ELOA: variants seen among roughly 807,000 people sequenced by gnomAD.
The protein encoded by ELOA is elongin A, also known as elongin-A.
In ELOA, 15 loss-of-function variants were observed where a neutral mutation model predicts 85.2. The observed-to-expected ratio is 0.18, with a 90% CI of 0.12 to 0.27. The LOEUF is 0.27. ELOA is among the 10% of genes least tolerant of loss of function. The pLI, the probability that ELOA is intolerant of heterozygous loss-of-function variation, is 1.00. For missense variants in ELOA, 769 were observed against 952.7 expected (o/e 0.81, Z 2.54); for synonymous variants, 348 against 357.2 (o/e 0.97, Z 0.29).
At position 23,760,612 on chromosome 1, in the gene ELOA, GGTTT is replaced by G. The variant is rs1176072826; in HGVS notation, c.*1044_*1047del. Reference sequence around the variant, plus strand: ...AGGCTGTAATGCTATGTTGGAAATTGGTTTGTTTTGCCTTTTATTGAAAAGGTAA... The same window carrying G: ...AGGCTGTAATGCTATGTTGGAAATTGGTTTTGCCTTTTATTGAAAAGGTAA... On this transcript the variant is annotated 3_prime_UTR_variant, in exon 11 of 11. Transcript: ENST00000613537. 2.0e-5 allele frequency: 3 copies of G among 152,146 alleles called. No homozygotes were observed. The East Asian group carries it at 5.8e-4, about 29-fold the overall frequency. The allele number at this position is 152,146 out of a possible 1,614,324, so 9.4% of individuals were successfully genotyped here.
chr1:23,756,937 T>C lies in ELOA; in HGVS notation c.2085-16T>C. ...TTCTTGTGCTCATGCCTAACCAGTG[T>C]TGTCCTGTGTTGCAGGATCAAGCCA... On this transcript the variant is annotated splice_polypyrimidine_tract_variant and intron_variant, in intron 9 of 10. Transcript: ENST00000613537. 1 of 1,481,438 alleles carries C rather than the reference T, an allele frequency of 6.8e-7. No homozygotes were observed. The highest frequency in any genetic ancestry group is 2.6e-5 in the Admixed American group (1 of 38,840). 91.8% of individuals were successfully genotyped at this position (1,481,438 alleles called of 1,614,324 possible). A position where few individuals can be genotyped will look rare whatever the true frequency, so the allele number is the denominator to read the frequency against.
At chr1:23,750,005 A>G (rs1644761995) in intron 3 of ELOA, 57 bp downstream of exon 3, 5 of 1,417,156 alleles carry the variant, frequency 3.5e-6, no homozygotes, top group Non-Finnish European at 3.8e-6. Flanking sequence ...ACAGATAGAA[A>G]AGGTTTTCTT....
Position 23,760,354 on chromosome 1 carries a change from A to G in ELOA, c.*781A>G, listed in dbSNP as rs1263020969. On this transcript the variant is annotated 3_prime_UTR_variant, in exon 11 of 11. Coordinates refer to ENST00000613537, the MANE Select transcript of ELOA (RefSeq NM_003198.3). ...ACTAGAGGACGCAGAACCTTGGGAG[A>G]TTGATTTGCACAGAACTCCCCACCT... 6.8e-6 allele frequency: 1 copy of G among 146,972 alleles called. No homozygotes were observed. Among genetic ancestry groups the G allele is most frequent in the Non-Finnish European group, 1.5e-5 (1 of 66,892 alleles). The allele number at this position is 146,972 out of a possible 1,614,324, so 9.1% of individuals were successfully genotyped here.
intron 1 of ELOA, among the ~76,000 whole-genome samples, chr1:23,747,285 A>G (rs1053645279): frequency 6.6e-6 from 1 of 152,242 alleles, no homozygotes; most frequent in African/African-American, 2.4e-5. Context: ...TCCTAAGGAC[A>G]GTGTTCTGAT....
At position 23,755,870 on chromosome 1, in the gene ELOA, T is replaced by C; in HGVS notation, c.1819T>C (p.Trp607Arg). 1 of 1,611,300 alleles carries C rather than the reference T, an allele frequency of 6.2e-7. No homozygotes were observed. The highest frequency in any genetic ancestry group is 8.5e-7 in the Non-Finnish European group (1 of 1,179,254). ...HVLIEETDQL[W>R]KVHCHRDFKE... ...ATTAATTGAAGAAACAGATCAATTA[T>C]GGAAAGTTCATTGTCACCGAGACTT... Residue 607 changes from tryptophan (W) to arginine (R), a missense_variant, in exon 8 of 11, where the codon TGG becomes CGG. Around this residue, in one of 4 missense-constraint regions of ELOA, gnomAD observed 193 missense variants for 278.9 expected, o/e 0.69. Transcript: ENST00000613537.
chr1:23,752,557 AT>A, intron 5 of ELOA, 39 bp downstream of exon 5: 1 of 1,577,876 alleles, frequency 6.3e-7, no homozygotes, highest in Non-Finnish European at 8.6e-7. Context: ...TGGGAAAAAG[AT>A]TTAAAAATTC....
chr1:23,757,830 A>AT (rs949690449), intron 10 of ELOA, among the ~76,000 whole-genome samples: 25 of 151,168 alleles, frequency 1.7e-4, no homozygotes, highest in African/African-American at 6.1e-4. Flanking sequence ...AAAAAAAAAA[A>AT]GTGAAAGTAG....
At chr1:23,753,575 A>G (rs530666047) in intron 5 of ELOA, among the ~76,000 whole-genome samples, 1 of 152,296 alleles carries the variant, frequency 6.6e-6, no homozygotes, top group African/African-American at 2.4e-5. Flanking sequence ...GTTCATCTAC[A>G]CAGTGGCATC....
intron 10 of ELOA, 68 bp from the exon 11 acceptor site, chr1:23,759,444 G>C (rs2148389818): frequency 6.5e-7 from 1 of 1,531,746 alleles, no homozygotes; most frequent in African/African-American, 1.4e-5. Flanking sequence ...GGCTTTGACT[G>C]TAAACTACTG....
intron 3 of ELOA, among the ~76,000 whole-genome samples, chr1:23,750,322 C>CCCA (rs1405394667): frequency 6.6e-6 from 1 of 151,640 alleles, no homozygotes; most frequent in East Asian, 1.9e-4. Flanking sequence ...ACCACAGGCA[C>CCCA]CCGCCACCAC....
At chr1:23,758,838 G>A (rs995004860) in intron 10 of ELOA, among the ~76,000 whole-genome samples, 1 of 151,890 alleles carries the variant, frequency 6.6e-6, no homozygotes, top group Non-Finnish European at 1.5e-5. Context: ...ACAGATTGGG[G>A]GTAGACGTGC....
Position 23,757,000 on chromosome 1 carries a change from G to T in ELOA, c.2132G>T (p.Ser711Ile). 1 of 1,598,702 alleles carries T rather than the reference G, an allele frequency of 6.3e-7. No homozygotes were observed. Among genetic ancestry groups the T allele is most frequent in the Non-Finnish European group, 8.5e-7 (1 of 1,174,902 alleles). The change falls in exon 10 of 11, where the codon AGT becomes ATT. Residue 711 changes from serine to isoleucine, a missense_variant. Transcript: ENST00000613537. ...ATGGGAAGCAGCCATGCTTCCGCCA[G>T]TAGCATCAGCTTTAACCCCAGCCCT... ...YPMGSSHASA[S>I]SISFNPSPEE...
In ELOA at chr1:23,754,085, T is replaced by C. The variant is rs894856215; in HGVS notation, c.1538-15T>C. On this transcript the variant is annotated splice_polypyrimidine_tract_variant and intron_variant, in intron 5 of 10. Transcript: ENST00000613537. ...TGGATCACTTAGGGCCTTTTGTGTTTTTCTTGCCCTATAGCGTTCTCTTCA... is the reference window on the plus strand; with the variant it reads ...TGGATCACTTAGGGCCTTTTGTGTTCTTCTTGCCCTATAGCGTTCTCTTCA... 2 of 1,612,846 alleles carry C rather than the reference T, an allele frequency of 1.2e-6. No homozygotes were observed. The highest frequency in any genetic ancestry group is 1.7e-6 in the Non-Finnish European group (2 of 1,179,554).
chr1:23,760,670 T>C lies in ELOA; in HGVS notation c.*1097T>C, dbSNP rs1341379446. The stretch of plus-strand genomic sequence containing the variant: ...CATGTGATTGGAAGAACACAACTGT[T>C]GGCTTGGGAAGAGGACTTTGCTGCT... On this transcript the variant is annotated 3_prime_UTR_variant, in exon 11 of 11. Transcript: ENST00000613537. 6.6e-6 allele frequency: 1 copy of C among 152,230 alleles called. No homozygotes were observed. The highest frequency in any genetic ancestry group is 1.5e-5 in the Non-Finnish European group (1 of 68,060). The allele number at this position is 152,230 out of a possible 1,614,324, so 9.4% of individuals were successfully genotyped here. A position where few individuals can be genotyped will look rare whatever the true frequency, so the allele number is the denominator to read the frequency against.
In ELOA at chr1:23,751,355, G is replaced by A. The variant is rs1644769781; in HGVS notation, c.750G>A (p.Lys250=). The A allele has an allele frequency of 1.2e-6, 2 of 1,614,214 alleles. No individual in the cohort carries two copies. The highest frequency in any genetic ancestry group is 1.7e-6 in the Non-Finnish European group (2 of 1,180,042). Residue 250 remains lysine (K), a synonymous_variant, in exon 4 of 11, where the codon AAG becomes AAA. Transcript: ENST00000613537. ...ACAAGGAGCACAAATCTTCCCACAA[G>A]GACAAACGCCCCGTGGATGCCAAGA... ...SQNKEHKSSH[K]DKRPVDAKSD...
At chr1:23,748,370 G>A (rs1183378878) in intron 1 of ELOA, among the ~76,000 whole-genome samples, 1 of 152,140 alleles carries the variant, frequency 6.6e-6, no homozygotes, top group African/African-American at 2.4e-5. Context: ...CATCTTAACA[G>A]CTCTGCTGTA....
chr1:23,753,854 G>C (rs1430951147), intron 5 of ELOA, among the ~76,000 whole-genome samples: 1 of 152,146 alleles, frequency 6.6e-6, no homozygotes, highest in African/African-American at 2.4e-5. Context: ...TCAGCCTCCT[G>C]AGTAGCTGGG....
At position 23,759,861 on chromosome 1, in the gene ELOA, C is replaced by A; in HGVS notation, c.*288C>A. On this transcript the variant is annotated 3_prime_UTR_variant, in exon 11 of 11. Coordinates refer to ENST00000613537, the MANE Select transcript of ELOA (RefSeq NM_003198.3). ...ATTAGCATCTTTGTAAACTATAAGA[C>A]GTAGTTTTAATTAATAAATATTGCC... The A allele has an allele frequency of 2.7e-6, 1 of 364,792 alleles. No homozygotes were observed. Among genetic ancestry groups the A allele is most frequent in the Non-Finnish European group, 5.0e-6 (1 of 199,676 alleles). The allele number at this position is 364,792 out of a possible 1,614,324, so 22.6% of individuals were successfully genotyped here.
rs1638273976 is a variant in ELOA at position 23,760,278 on chromosome 1, TC to T, written c.*707del. The T allele has an allele frequency of 6.6e-6, 1 of 151,628 alleles. No individual in the cohort carries two copies. The highest frequency in any genetic ancestry group is 1.5e-5 in the Non-Finnish European group (1 of 67,962). 9.4% of individuals were successfully genotyped at this position (151,628 alleles called of 1,614,324 possible). ...CTGTAGGTCTGGAGCCTTTCCCTCATCCTTTTTGCGAGTCCCCACCTTTTTG... is the reference window on the plus strand; with the variant it reads ...CTGTAGGTCTGGAGCCTTTCCCTCATCTTTTTGCGAGTCCCCACCTTTTTG... On this transcript the variant is annotated 3_prime_UTR_variant, in exon 11 of 11. Transcript: ENST00000613537.
Sources: allele counts gnomAD v4.1 joint callset (sites outside exome capture counted in the v4.1 genomes callset), GRCh38; gene constraint gnomAD v4.1.1; regional missense constraint gnomAD v4.1.1; transcripts MANE v1.5; gene names NCBI Gene and HGNC (gene_info 2026-07-23, HGNC 2026-07-21).